DAPP1: variants seen among roughly 807,000 people sequenced by gnomAD.
The protein encoded by DAPP1 is dual adapter for phosphotyrosine and 3-phosphotyrosine and 3-phosphoinositide.
Under a neutral mutation model 41.5 loss-of-function variants are expected in DAPP1, and 20 were observed. That is an observed-to-expected ratio of 0.48 (90% CI 0.34 to 0.70). The LOEUF is 0.70. DAPP1 is among the 30% of genes least tolerant of loss of function. The probability of loss-of-function intolerance (pLI) is 0.01; values close to 1 mark genes in which losing one functional copy is unlikely to be tolerated. For synonymous variants in DAPP1, 113 were observed against 116.2 expected (o/e 0.97, Z 0.18); for missense variants, 233 against 333.4 (o/e 0.70, Z 2.35).
At chr4:99,861,273 A>G (rs1560708156) in intron 4 of DAPP1, among the ~76,000 whole-genome samples, 4 of 152,326 alleles carry the variant, frequency 2.6e-5, no homozygotes, top group East Asian at 1.9e-4. Context: ...CCCTGTAACA[A>G]TCCAAACAGC....
chr4:99,840,548 A>G (rs889374233), intron 3 of DAPP1, 126 bp downstream of exon 3: 30 of 1,153,430 alleles, frequency 2.6e-5, no homozygotes, highest in Middle Eastern at 3.9e-4. Context: ...AAGAGAAAAC[A>G]ATGTATTTTG....
chr4:99,839,698 A>G (rs17029577), intron 2 of DAPP1, among the ~76,000 whole-genome samples: 7,686 of 152,256 alleles, frequency 0.05, 388 homozygotes, highest in East Asian at 0.24. Context: ...CCTTAGCAGC[A>G]TAATGTTCAA....
At chr4:99,837,346 C>A (rs1031614415) in intron 2 of DAPP1, among the ~76,000 whole-genome samples, 1 of 152,166 alleles carries the variant, frequency 6.6e-6, no homozygotes, top group Non-Finnish European at 1.5e-5. Context: ...TGCCACAACT[C>A]CCATTCCTGG....
At chr4:99,822,807 A>G (rs915589744) in intron 1 of DAPP1, among the ~76,000 whole-genome samples, 1 of 152,184 alleles carries the variant, frequency 6.6e-6, no homozygotes, top group Non-Finnish European at 1.5e-5. Context: ...CAACTCCCGT[A>G]GAGGATAAAT....
chr4:99,861,653 A>C (rs1187845453), intron 5 of DAPP1, 28 bp downstream of exon 5: 1 of 1,560,740 alleles, frequency 6.4e-7, no homozygotes, highest in Admixed American at 1.9e-5. Context: ...TGCTCATGCC[A>C]GCCACAGAAA....
At chr4:99,847,923 C>T (rs972694094) in intron 3 of DAPP1, among the ~76,000 whole-genome samples, 12 of 152,108 alleles carry the variant, frequency 7.9e-5, no homozygotes, top group South Asian at 2.1e-4. Flanking sequence ...AAGCGATTCT[C>T]CTGTCTCAGC....
intron 4 of DAPP1, among the ~76,000 whole-genome samples, chr4:99,859,920 C>T (rs1724178739): frequency 1.3e-5 from 2 of 152,170 alleles, no homozygotes; most frequent in South Asian, 4.1e-4. Context: ...TTGGGCTCCA[C>T]CACCCTGTAC....
chr4:99,829,486 A>G (rs933116447), intron 1 of DAPP1, among the ~76,000 whole-genome samples: 6 of 152,172 alleles, frequency 3.9e-5, no homozygotes, highest in Admixed American at 1.3e-4. Flanking sequence ...GTCTCAAAAA[A>G]AAAAAGAAAG....
chr4:99,852,987 T>C (rs887168732), intron 3 of DAPP1, among the ~76,000 whole-genome samples: 1 of 152,164 alleles, frequency 6.6e-6, no homozygotes, highest in African/African-American at 2.4e-5. Context: ...CCATATCTGT[T>C]ACCAGTTCTG....
At chr4:99,820,563 C>T (rs1291794535) in intron 1 of DAPP1, among the ~76,000 whole-genome samples, 2 of 152,214 alleles carry the variant, frequency 1.3e-5, no homozygotes, top group African/African-American at 4.8e-5. Flanking sequence ...CAGTGTTTGG[C>T]TGGATTGGCC....
At position 99,868,059 on chromosome 4, in the gene DAPP1, AGC is replaced by A. The variant is rs1013827958; in HGVS notation, c.775-57_775-56del. 5 of 1,432,070 alleles carry A rather than the reference AGC, an allele frequency of 3.5e-6. No individual in the cohort carries two copies. In the African/African-American group the frequency reaches 7.0e-5, roughly 20 times the overall value. The allele number at this position is 1,432,070 out of a possible 1,614,324, so 88.7% of individuals were successfully genotyped here. A position where few individuals can be genotyped will look rare whatever the true frequency, so the allele number is the denominator to read the frequency against. On this transcript the variant is annotated intron_variant, in intron 8 of 8. Coordinates refer to ENST00000512369, the MANE Select transcript of DAPP1 (RefSeq NM_014395.3). ...CATGTCTTATTTAATATTTGTTAGA[AGC>A]CAGGGTTCATTACAATCACTCAATA...
chr4:99,868,241 C>A lies in DAPP1; in HGVS notation c.*56C>A, dbSNP rs769418025. 4.2e-6 allele frequency: 6 copies of A among 1,430,808 alleles called. No individual in the cohort carries two copies. Among genetic ancestry groups the A allele is most frequent in the Admixed American group, 1.7e-5 (1 of 58,918 alleles). 88.6% of individuals were successfully genotyped at this position (1,430,808 alleles called of 1,614,324 possible). ...GGAGCAAGGTGGAATGTTTCCCTGA[C>A]GCTGTGATCTGCAGCAGGCTTCAAA... On this transcript the variant is annotated 3_prime_UTR_variant, in exon 9 of 9. Transcript: ENST00000512369.
At chr4:99,866,693 G>A in intron 8 of DAPP1, 1 of 702,362 alleles carries the variant, frequency 1.4e-6, no homozygotes, top group South Asian at 1.5e-5. Context: ...TCTTAGCCAA[G>A]AACTTGTCCT....
At chr4:99,822,821 T>A (rs373690791) in intron 1 of DAPP1, among the ~76,000 whole-genome samples, 1 of 152,226 alleles carries the variant, frequency 6.6e-6, no homozygotes, top group South Asian at 2.1e-4. Context: ...GATAAATTCC[T>A]ATTCTGAGCC....
intron 1 of DAPP1, among the ~76,000 whole-genome samples, chr4:99,818,840 C>T (rs1457478724): frequency 6.6e-6 from 1 of 152,204 alleles, no homozygotes. Flanking sequence ...TGGCTGTGCT[C>T]TGGAACATCT....
At chr4:99,824,605 C>G (rs765923913) in intron 1 of DAPP1, among the ~76,000 whole-genome samples, 26 of 152,144 alleles carry the variant, frequency 1.7e-4, no homozygotes, top group Non-Finnish European at 2.8e-4. Context: ...CTCTCTGTCT[C>G]CTACACTAGC....
chr4:99,839,783 T>A (rs1440620397), intron 2 of DAPP1, among the ~76,000 whole-genome samples: 1 of 152,192 alleles, frequency 6.6e-6, no homozygotes, highest in Admixed American at 6.5e-5. Flanking sequence ...AAGTTGAGGC[T>A]GGGCGTGGTG....
intron 3 of DAPP1, among the ~76,000 whole-genome samples, chr4:99,849,473 G>A (rs1723781788): frequency 6.6e-6 from 1 of 152,190 alleles, no homozygotes; most frequent in African/African-American, 2.4e-5. Context: ...TAGGTGCGCT[G>A]AAGAGGCTCA....
intron 4 of DAPP1, among the ~76,000 whole-genome samples, chr4:99,856,622 C>G (rs1465317455): frequency 1.3e-5 from 2 of 152,192 alleles, no homozygotes; most frequent in East Asian, 1.9e-4. Context: ...CTTTGCGGCA[C>G]TACTATCATG....
Sources: allele counts gnomAD v4.1 joint callset (sites outside exome capture counted in the v4.1 genomes callset), GRCh38; gene constraint gnomAD v4.1.1; transcripts MANE v1.5; gene names NCBI Gene and HGNC (gene_info 2026-07-23, HGNC 2026-07-21).